Variants in PTPN12 observed in about 807,000 individuals in gnomAD.
The protein encoded by PTPN12 is tyrosine-protein phosphatase non-receptor type 12.
Under a neutral mutation model 97.6 loss-of-function variants are expected in PTPN12, and 29 were observed. The observed-to-expected ratio is 0.30, with a 90% CI of 0.22 to 0.41. The LOEUF (loss-of-function observed/expected upper bound fraction) is 0.41. PTPN12 is among the 10% of genes least tolerant of loss of function. PTPN12 has a pLI of 1.00. For synonymous variants in PTPN12, 327 were observed against 300.4 expected (o/e 1.09, Z -0.91); for missense variants, 819 against 926.0 (o/e 0.88, Z 1.50).
In PTPN12 at chr7:77,609,890, ACAACAAAAAAAAAAC is replaced by A. The variant is rs1156889979; in HGVS notation, c.763-873_763-859del. Reference sequence around the variant, plus strand: ...AGCGAGACTCCGTCTCAAAAAAAAAACAACAAAAAAAAAACCCAAAAATCTTATGATGTATATAAG... The same window carrying A: ...AGCGAGACTCCGTCTCAAAAAAAAAACCAAAAATCTTATGATGTATATAAG... On this transcript the variant is annotated intron_variant, in intron 9 of 17. Coordinates refer to ENST00000248594, the MANE Select transcript of PTPN12 (RefSeq NM_002835.4). Among the ~76,000 whole-genome samples, 5 of 140,510 alleles carry A rather than the reference ACAACAAAAAAAAAAC, an allele frequency of 3.6e-5. No homozygotes were observed. The South Asian group carries it at 1.2e-3, about 35-fold the overall frequency. 92.2% of individuals were successfully genotyped at this position (140,510 alleles called of 152,430 possible).
At chr7:77,606,661 A>G (rs1435038643) in intron 8 of PTPN12, among the ~76,000 whole-genome samples, 1 of 152,244 alleles carries the variant, frequency 6.6e-6, no homozygotes, top group Non-Finnish European at 1.5e-5. Flanking sequence ...AAAAATATCA[A>G]ATGGAAAATT....
intron 1 of PTPN12, among the ~76,000 whole-genome samples, chr7:77,561,518 G>A (rs548986748): frequency 5.3e-4 from 81 of 152,162 alleles, no homozygotes; most frequent in Admixed American, 3.0e-3. Flanking sequence ...GGCAGTCTCC[G>A]GCCTTGCAAA....
intron 12 of PTPN12, among the ~76,000 whole-genome samples, chr7:77,623,770 C>T (rs1789030268): frequency 6.6e-6 from 1 of 152,088 alleles, no homozygotes; most frequent in South Asian, 2.1e-4. Flanking sequence ...ACCATGTACA[C>T]GTAGGGAAAA....
intron 12 of PTPN12, among the ~76,000 whole-genome samples, chr7:77,619,167 G>A (rs548047283): frequency 1.3e-5 from 2 of 152,126 alleles, no homozygotes; most frequent in South Asian, 4.2e-4. Flanking sequence ...CTTAATCCTG[G>A]GGAGAAGGAG....
chr7:77,540,084 T>G (rs2151292183), intron 1 of PTPN12, among the ~76,000 whole-genome samples: 1 of 152,298 alleles, frequency 6.6e-6, no homozygotes, highest in East Asian at 1.9e-4. Context: ...CCTAGGCATA[T>G]ACCGTCAGGA....
At chr7:77,540,598 G>C (rs1468344542) in intron 1 of PTPN12, among the ~76,000 whole-genome samples, 1 of 150,350 alleles carries the variant, frequency 6.7e-6, no homozygotes, top group Non-Finnish European at 1.5e-5. Context: ...GGTATAGCTA[G>C]GTGATTCTAC....
At chr7:77,606,553 C>T (rs148088840) in intron 8 of PTPN12, among the ~76,000 whole-genome samples, 11 of 90,726 alleles carry the variant, frequency 1.2e-4, no homozygotes, top group South Asian at 1.1e-3. Flanking sequence ...TGAGCCACTG[C>T]GCCCAACCCC....
chr7:77,571,561 CTTAA>C (rs1787137690), intron 2 of PTPN12, among the ~76,000 whole-genome samples: 1 of 151,932 alleles, frequency 6.6e-6, no homozygotes, highest in Non-Finnish European at 1.5e-5. Flanking sequence ...ACATAAGAAC[CTTAA>C]TTGATTAATT....
chr7:77,559,003 GA>G (rs145947010), intron 1 of PTPN12, among the ~76,000 whole-genome samples: 2,281 of 152,084 alleles, frequency 0.015, 58 homozygotes, highest in African/African-American at 0.052. Flanking sequence ...AGCAGAACAA[GA>G]CTCTCTCTCT....
intron 11 of PTPN12, among the ~76,000 whole-genome samples, chr7:77,614,865 C>T (rs953691873): frequency 6.6e-6 from 1 of 152,080 alleles, no homozygotes; most frequent in South Asian, 2.1e-4. Context: ...ACAATTTAAT[C>T]GGTAAAAGTT....
Position 77,638,679 on chromosome 7 carries a change from C to G in PTPN12, c.2229C>G (p.Phe743Leu). The G allele has an allele frequency of 6.2e-7, 1 of 1,607,848 alleles. No individual in the cohort carries two copies. Among genetic ancestry groups the G allele is most frequent in the South Asian group, 1.1e-5 (1 of 89,916 alleles). ...YEMCIECPPT[F>L]SDKREQISEN... Reference sequence around the variant, plus strand: ...TGTGCATAGAATGTCCACCTACTTTCAGTGACAAGAGAGAACAAATATCAG... The same window carrying G: ...TGTGCATAGAATGTCCACCTACTTTGAGTGACAAGAGAGAACAAATATCAG... The change falls in exon 17 of 18, where the codon TTC (phenylalanine) becomes TTG (leucine). Residue 743 changes from phenylalanine to leucine, a missense_variant. By Grantham distance (22) the Phe-to-Leu change is conservative. Around this residue, in one of 5 missense-constraint regions of PTPN12, gnomAD observed 607 missense variants for 577.3 expected, o/e 1.05. Transcript: ENST00000248594.
At chr7:77,604,038 C>T (rs1788273006) in intron 8 of PTPN12, among the ~76,000 whole-genome samples, 1 of 148,088 alleles carries the variant, frequency 6.8e-6, no homozygotes, top group Admixed American at 6.8e-5. Flanking sequence ...CAGGCACACA[C>T]CACTACACCC....
chr7:77,593,269 C>CA (rs34709584), intron 6 of PTPN12, among the ~76,000 whole-genome samples: 73 of 141,280 alleles, frequency 5.2e-4, no homozygotes, highest in Middle Eastern at 3.7e-3. Context: ...AACTCCATCT[C>CA]AAAAAAAAAA....
intron 14 of PTPN12, among the ~76,000 whole-genome samples, chr7:77,632,643 ATCAGAAT>A (rs1372260762): frequency 6.6e-6 from 1 of 152,210 alleles, no homozygotes; most frequent in African/African-American, 2.4e-5. Context: ...TATGTTAGAT[ATCAGAAT>A]TCAATTCATT....
At chr7:77,604,956 T>C (rs1788312788) in intron 8 of PTPN12, 3 of 351,362 alleles carry the variant, frequency 8.5e-6, no homozygotes, top group African/African-American at 4.2e-5. Context: ...TTACATGTAC[T>C]CAGATCTGTT....
intron 8 of PTPN12, among the ~76,000 whole-genome samples, chr7:77,603,090 C>T (rs1788241060): frequency 6.6e-6 from 1 of 152,138 alleles, no homozygotes; most frequent in Admixed American, 6.6e-5. Context: ...AATCAGTTAA[C>T]AACTTGGTTC....
At chr7:77,616,553 C>A (rs1788757348) in intron 11 of PTPN12, among the ~76,000 whole-genome samples, 1 of 152,172 alleles carries the variant, frequency 6.6e-6, no homozygotes, top group Non-Finnish European at 1.5e-5. Flanking sequence ...ATATTACACT[C>A]ACTTGGCAAC....
chr7:77,587,466 G>A (rs1475906448), intron 5 of PTPN12, among the ~76,000 whole-genome samples: 2 of 151,984 alleles, frequency 1.3e-5, no homozygotes, highest in African/African-American at 2.4e-5. Flanking sequence ...CTGGGGGTGG[G>A]GTTGAAAAAA....
At chr7:77,593,074 GC>G (rs1210640130) in intron 6 of PTPN12, among the ~76,000 whole-genome samples, 1 of 152,064 alleles carries the variant, frequency 6.6e-6, no homozygotes, top group African/African-American at 2.4e-5. Context: ...TTCGAGACCA[GC>G]CTGGACAACA....
Sources: gnomAD v4.1 joint callset for allele counts (sites outside exome capture counted in the v4.1 genomes callset) on GRCh38, gnomAD v4.1.1 for gene constraint, gnomAD v4.1.1 regional missense constraint, MANE v1.5 for transcripts, NCBI Gene and HGNC (gene_info 2026-07-23, HGNC 2026-07-21) for gene names.